DCDC1: variants seen among roughly 807,000 people sequenced by gnomAD.
DCDC1 encodes the protein doublecortin domain containing 1.
In DCDC1, 200 loss-of-function variants were observed where a neutral mutation model predicts 178.3. That is an observed-to-expected ratio of 1.12 (90% CI 1.00 to 1.26). DCDC1 has a LOEUF of 1.26. DCDC1 is among the 50% of genes most tolerant of loss of function. The pLI is 0.00. For missense variants in DCDC1, 1,983 were observed against 1,749.2 expected (o/e 1.13, Z -2.38); for synonymous variants, 690 against 604.8 (o/e 1.14, Z -2.07).
chr11:31,331,027 T>C (rs537471903), intron 2 of DCDC1, among the ~76,000 whole-genome samples: 36 of 152,332 alleles, frequency 2.4e-4, no homozygotes, highest in African/African-American at 8.4e-4. Context: ...TCCATGAGCA[T>C]GGAATGTTCA....
At chr11:31,185,480 T>C (rs957252069) in intron 9 of DCDC1, among the ~76,000 whole-genome samples, 3 of 150,690 alleles carry the variant, frequency 2.0e-5, no homozygotes, top group Non-Finnish European at 4.5e-5. Flanking sequence ...AGGAAAGACA[T>C]ATAGTTAGAG....
At chr11:31,052,005 A>G (rs553760735) in intron 20 of DCDC1, among the ~76,000 whole-genome samples, 4 of 152,342 alleles carry the variant, frequency 2.6e-5, no homozygotes, top group African/African-American at 9.6e-5. Context: ...ACATTTCAAT[A>G]CTAACATTGA....
chr11:31,262,620 C>T (rs980824452), intron 8 of DCDC1: 1 of 153,544 alleles, frequency 6.5e-6, no homozygotes, highest in African/African-American at 2.4e-5. Flanking sequence ...AAAAAAGTCA[C>T]ATATCGAATC....
At chr11:31,033,537 T>G (rs1379741256) in intron 20 of DCDC1, among the ~76,000 whole-genome samples, 1 of 152,214 alleles carries the variant, frequency 6.6e-6, no homozygotes, top group Admixed American at 6.5e-5. Context: ...TTCATGAATA[T>G]TTATCTTAAG....
intron 11 of DCDC1, among the ~76,000 whole-genome samples, chr11:31,113,708 G>C (rs1485282688): frequency 6.6e-6 from 1 of 151,868 alleles, no homozygotes; most frequent in Non-Finnish European, 1.5e-5. Context: ...ATTTGGGCAG[G>C]GCATAACCCC....
chr11:31,326,584 C>A (rs779306264), intron 3 of DCDC1, among the ~76,000 whole-genome samples: 16 of 152,102 alleles, frequency 1.1e-4, no homozygotes, highest in Non-Finnish European at 2.1e-4. Context: ...TATGTCCCTA[C>A]AATATAACAC....
chr11:31,176,762 GGA>G lies in DCDC1; in HGVS notation c.1222-38980_1222-38979del, dbSNP rs1491326411. On this transcript the variant is annotated intron_variant, in intron 9 of 38. Coordinates refer to ENST00000684477, the MANE Select transcript of DCDC1 (RefSeq NM_001387274.1). ...GGGATAATACATTCAAAGTTCTGAA[GGA>G]AAAAAAATACTCAGCAAAGAATACT... Among the ~76,000 whole-genome samples, 597 of 151,814 alleles carry G rather than the reference GGA, an allele frequency of 3.9e-3. 4 individuals carry two copies. The highest frequency in any genetic ancestry group is 7.2e-3 in the Non-Finnish European group (487 of 67,878).
At chr11:31,361,939 C>T (rs1213664599) in intron 1 of DCDC1, among the ~76,000 whole-genome samples, 2 of 152,136 alleles carry the variant, frequency 1.3e-5, no homozygotes, top group African/African-American at 4.8e-5. Context: ...ACTAGAAAAA[C>T]AGGATATATT....
intron 20 of DCDC1, among the ~76,000 whole-genome samples, chr11:31,001,824 G>A (rs1951597915): frequency 6.6e-6 from 1 of 152,176 alleles, no homozygotes; most frequent in South Asian, 2.1e-4. Context: ...TGACAGCTCA[G>A]TGTAAGGTGG....
intron 1 of DCDC1, among the ~76,000 whole-genome samples, chr11:31,350,693 T>G (rs1338832649): frequency 6.6e-6 from 1 of 152,174 alleles, no homozygotes; most frequent in Admixed American, 6.5e-5. Context: ...ACTTAAATGC[T>G]GCATTGCAGC....
intron 9 of DCDC1, among the ~76,000 whole-genome samples, chr11:31,192,966 T>A (rs200593156): frequency 1.3e-5 from 2 of 152,114 alleles, no homozygotes; most frequent in East Asian, 3.9e-4. Context: ...CTTCTGGAGC[T>A]GGGACATCCA....
At chr11:31,081,325 T>C (rs917429342) in intron 17 of DCDC1, among the ~76,000 whole-genome samples, 4 of 152,050 alleles carry the variant, frequency 2.6e-5, no homozygotes, top group African/African-American at 9.7e-5. Context: ...AAAAAAGAAA[T>C]AAGGCCGGGC....
intron 9 of DCDC1, among the ~76,000 whole-genome samples, chr11:31,142,011 GCTT>G (rs1243173819): frequency 2.6e-5 from 4 of 152,210 alleles, no homozygotes; most frequent in Non-Finnish European, 5.9e-5. Context: ...AGCTGCCCCA[GCTT>G]CTCTCAGAAT....
intron 20 of DCDC1, among the ~76,000 whole-genome samples, chr11:31,041,514 G>A (rs140655961): frequency 6.6e-6 from 1 of 152,302 alleles, no homozygotes; most frequent in East Asian, 1.9e-4. Flanking sequence ...AAAATATTCA[G>A]ATGAAAAAGT....
At chr11:30,918,407 C>A (rs751233334) in intron 25 of DCDC1, among the ~76,000 whole-genome samples, 1 of 152,086 alleles carries the variant, frequency 6.6e-6, no homozygotes, top group Non-Finnish European at 1.5e-5. Context: ...TCAGTGCTCA[C>A]GGAGTTTACA....
At chr11:30,943,265 C>G (rs1302187671) in intron 21 of DCDC1, 2 of 152,510 alleles carry the variant, frequency 1.3e-5, no homozygotes, top group Non-Finnish European at 2.9e-5. Flanking sequence ...AACCAGCAAT[C>G]TAAGTTTCAT....
chr11:31,254,153 G>C (rs748447960), intron 8 of DCDC1, among the ~76,000 whole-genome samples: 3 of 152,128 alleles, frequency 2.0e-5, no homozygotes, highest in Non-Finnish European at 4.4e-5. Context: ...ACTGAACTTT[G>C]AATAGATGGA....
At position 31,107,243 on chromosome 11, in the gene DCDC1, G is replaced by A. The variant is rs1958913784; in HGVS notation, c.1588-283C>T. On this transcript the variant is annotated intron_variant, in intron 12 of 38. Coordinates refer to ENST00000684477, the MANE Select transcript of DCDC1 (RefSeq NM_001387274.1). Reference sequence around the variant, plus strand: ...TGAAAGCAGATGTGACAGTCTTACAGAAAGAGCATTTAGCTTCTACACATG... The same window carrying A: ...TGAAAGCAGATGTGACAGTCTTACAAAAAGAGCATTTAGCTTCTACACATG... Among the ~76,000 whole-genome samples, 3 of 152,278 alleles carry A rather than the reference G, an allele frequency of 2.0e-5. No individual in the cohort carries two copies. In the South Asian group the frequency reaches 6.2e-4, roughly 32 times the overall value.
chr11:31,032,231 T>C (rs1302668531), intron 20 of DCDC1, among the ~76,000 whole-genome samples: 1 of 152,110 alleles, frequency 6.6e-6, no homozygotes, highest in Non-Finnish European at 1.5e-5. Context: ...CCAAGAAATA[T>C]TGCTTCAGAT....
Sources: gnomAD v4.1 joint callset for allele counts (sites outside exome capture counted in the v4.1 genomes callset) on GRCh38, gnomAD v4.1.1 for gene constraint, MANE v1.5 for transcripts, NCBI Gene and HGNC (gene_info 2026-07-23, HGNC 2026-07-21) for gene names.